MLLT10: variants seen among roughly 807,000 people sequenced by gnomAD.
MLLT10 encodes the protein protein AF-10.
MLLT10 carries 30 observed loss-of-function variants against 129.1 expected under a neutral mutation model. The ratio of observed to expected loss-of-function variants is 0.23; its 90% CI spans 0.17 to 0.32. The LOEUF is 0.32. Ranked by LOEUF, MLLT10 falls within the 10% of genes least tolerant of loss-of-function variation. The pLI, the probability that MLLT10 is intolerant of heterozygous loss-of-function variation, is 1.00. For synonymous variants in MLLT10, 490 were observed against 446.4 expected (o/e 1.10, Z -1.23); for missense variants, 1,119 against 1,268.3 (o/e 0.88, Z 1.79).
chr10:21,738,892 T>G (rs1205833210), intron 21 of MLLT10, among the ~76,000 whole-genome samples: 1 of 152,194 alleles, frequency 6.6e-6, no homozygotes, highest in Non-Finnish European at 1.5e-5. Context: ...GTAAATAGCA[T>G]CTCTGTGCTG....
chr10:21,555,889 A>G (rs909467486), intron 3 of MLLT10, among the ~76,000 whole-genome samples: 1 of 147,170 alleles, frequency 6.8e-6, no homozygotes, highest in African/African-American at 2.5e-5. Flanking sequence ...CTGGTCTCGA[A>G]CTCCCGACCT....
intron 5 of MLLT10, among the ~76,000 whole-genome samples, chr10:21,602,633 A>C (rs1161733814): frequency 6.6e-6 from 1 of 152,194 alleles, no homozygotes; most frequent in African/African-American, 2.4e-5. Flanking sequence ...TAATGTTTTC[A>C]AATTGGTTTT....
At chr10:21,699,693 A>C (rs2131466457) in intron 13 of MLLT10, among the ~76,000 whole-genome samples, 1 of 152,190 alleles carries the variant, frequency 6.6e-6, no homozygotes, top group Admixed American at 6.5e-5. Context: ...GTAAAAAAAA[A>C]AAAAAGTGGG....
chr10:21,717,542 CCTTCT>C (rs2056711681), intron 14 of MLLT10, among the ~76,000 whole-genome samples: 1 of 115,652 alleles, frequency 8.6e-6, no homozygotes. Context: ...CCTCCTCCTC[CCTTCT>C]TCTTTCTTCT....
In MLLT10 at chr10:21,612,581, TTTAC is replaced by T. The variant is rs146367183; in HGVS notation, c.509+134_509+137del. 1.6e-3 allele frequency: 792 copies of T among 489,796 alleles called. 3 individuals carry two copies. The highest frequency in any genetic ancestry group is 2.5e-3 in the Non-Finnish European group (706 of 283,204). 30.3% of individuals were successfully genotyped at this position (489,796 alleles called of 1,614,324 possible). A position where few individuals can be genotyped will look rare whatever the true frequency, so the allele number is the denominator to read the frequency against. ...TATTGGTATAGTTTCTATGTTCACA[TTTAC>T]TTATTTGTAATAAAGATAATTTTAA... On this transcript the variant is annotated intron_variant, in intron 6 of 22. Transcript: ENST00000307729.
In MLLT10 at chr10:21,555,675, A is replaced by AT. The variant is rs748016694; in HGVS notation, c.240+16782dup. ...TCAGCCTTGATTCAAATGTAAGACAATTTTTTTTTTTTTTTTTTTGAGAGG... is the reference window on the plus strand; with the variant it reads ...TCAGCCTTGATTCAAATGTAAGACAATTTTTTTTTTTTTTTTTTTTGAGAGG... On this transcript the variant is annotated intron_variant, in intron 3 of 22. Transcript: ENST00000307729. Among the ~76,000 whole-genome samples, 238 of 132,740 alleles carry AT rather than the reference A, an allele frequency of 1.8e-3. 1 individual carries two copies. Among genetic ancestry groups the AT allele is most frequent in the South Asian group, 0.013 (54 of 4,132 alleles). The allele number at this position is 132,740 out of a possible 152,430, so 87.1% of individuals were successfully genotyped here.
At chr10:21,557,242 T>TTA in intron 3 of MLLT10, 2 of 1,007,822 alleles carry the variant, frequency 2.0e-6, no homozygotes, top group Non-Finnish European at 2.5e-6. Context: ...TATAACTCAG[T>TTA]TATTATAAGT....
chr10:21,733,460 T>G (rs1371577891), intron 18 of MLLT10, 44 bp from the exon 19 acceptor site: 1 of 1,231,242 alleles, frequency 8.1e-7, no homozygotes, highest in East Asian at 2.6e-5. Flanking sequence ...CATAATGTAA[T>G]TTAATAGGGT....
At chr10:21,541,021 G>A (rs1368841443) in intron 3 of MLLT10, among the ~76,000 whole-genome samples, 2 of 152,120 alleles carry the variant, frequency 1.3e-5, no homozygotes, top group African/African-American at 4.8e-5. Context: ...TTAGCTGGGT[G>A]TGGTGGTGTG....
At chr10:21,557,104 A>G (rs2038127624) in intron 3 of MLLT10, 3 of 1,396,864 alleles carry the variant, frequency 2.1e-6, no homozygotes, top group East Asian at 2.6e-5. Context: ...TCTGCTTTCC[A>G]TTTACATTTT....
intron 3 of MLLT10, among the ~76,000 whole-genome samples, chr10:21,546,217 A>C (rs1264229824): frequency 6.7e-6 from 1 of 148,670 alleles, no homozygotes; most frequent in African/African-American, 2.5e-5. Context: ...AGCTGGGATT[A>C]CAGGCATGTG....
chr10:21,590,963 G>A (rs1275770756), intron 4 of MLLT10, among the ~76,000 whole-genome samples: 1 of 152,008 alleles, frequency 6.6e-6, no homozygotes, highest in East Asian at 1.9e-4. Context: ...TTTTATTTTA[G>A]ATATTCTTTT....
At chr10:21,677,462 G>T (rs1210408071) in intron 11 of MLLT10, among the ~76,000 whole-genome samples, 1 of 152,140 alleles carries the variant, frequency 6.6e-6, no homozygotes, top group Admixed American at 6.5e-5. Flanking sequence ...TCAAGTTCCT[G>T]TTATAAAACG....
intron 13 of MLLT10, among the ~76,000 whole-genome samples, chr10:21,687,643 C>T (rs945664029): frequency 2.0e-5 from 3 of 152,070 alleles, no homozygotes; most frequent in Non-Finnish European, 4.4e-5. Flanking sequence ...CTGTGAATCA[C>T]TTGGTAAGGG....
chr10:21,549,052 C>T (rs2036547769), intron 3 of MLLT10, among the ~76,000 whole-genome samples: 1 of 151,188 alleles, frequency 6.6e-6, no homozygotes, highest in African/African-American at 2.4e-5. Context: ...TTTGCCTTTG[C>T]TCTCTGTCTT....
chr10:21,548,444 A>G (rs2036455358), intron 3 of MLLT10, among the ~76,000 whole-genome samples: 2 of 147,096 alleles, frequency 1.4e-5, no homozygotes, highest in South Asian at 4.3e-4. Flanking sequence ...ATCTCGGCTC[A>G]CTGCAAGCTC....
intron 15 of MLLT10, 137 bp from the exon 16 acceptor site, chr10:21,727,719 A>G (rs1298743785): frequency 1.5e-6 from 1 of 646,916 alleles, no homozygotes; most frequent in African/African-American, 1.8e-5. Flanking sequence ...GCAACATGCT[A>G]GATCTTCTAT....
intron 3 of MLLT10, among the ~76,000 whole-genome samples, chr10:21,558,076 A>C (rs1427916835): frequency 6.6e-6 from 1 of 150,458 alleles, no homozygotes; most frequent in Non-Finnish European, 1.5e-5. Context: ...CAGCCTCCCA[A>C]GTAGCTGGGA....
At chr10:21,621,578 G>A (rs1389288683) in intron 8 of MLLT10, among the ~76,000 whole-genome samples, 3 of 152,050 alleles carry the variant, frequency 2.0e-5, no homozygotes, top group Non-Finnish European at 2.9e-5. Context: ...GGTGAGCGAG[G>A]TGTGCCTGTT....
Sources: gnomAD v4.1 joint callset for allele counts (sites outside exome capture counted in the v4.1 genomes callset) on GRCh38, gnomAD v4.1.1 for gene constraint, MANE v1.5 for transcripts, NCBI Gene and HGNC (gene_info 2026-07-23, HGNC 2026-07-21) for gene names.